The following SCAI variants were observed in gnomAD, a reference collection of about 807,000 sequenced individuals.
SCAI encodes suppressor of cancer cell invasion, also known as protein SCAI.
In SCAI, 24 loss-of-function variants were observed where a neutral mutation model predicts 92.2. The ratio of observed to expected loss-of-function variants is 0.26; its 90% confidence interval spans 0.19 to 0.37. The LOEUF is 0.37. Ranked by LOEUF, SCAI falls within the 10% of genes least tolerant of loss-of-function variation. SCAI has a pLI of 1.00. For synonymous variants in SCAI, 261 were observed against 258.6 expected (o/e 1.01, Z -0.09); for missense variants, 450 against 736.2 (o/e 0.61, Z 4.50).
At chr9:125,055,382 CT>C (rs1024085578) in intron 3 of SCAI, among the ~76,000 whole-genome samples, 6 of 152,084 alleles carry the variant, frequency 3.9e-5, no homozygotes, top group African/African-American at 1.4e-4. Flanking sequence ...CTCATCATTA[CT>C]TTTTCCACCC....
At chr9:124,987,264 C>A (rs546566333) in intron 14 of SCAI, among the ~76,000 whole-genome samples, 2 of 152,090 alleles carry the variant, frequency 1.3e-5, no homozygotes, top group East Asian at 3.9e-4. Flanking sequence ...CCTTGTGATC[C>A]GCCTGCCTCG....
intron 2 of SCAI, among the ~76,000 whole-genome samples, chr9:125,116,525 GAATTT>G (rs1835050385): frequency 6.6e-6 from 1 of 152,092 alleles, no homozygotes; most frequent in African/African-American, 2.4e-5. Flanking sequence ...AACAGTCACT[GAATTT>G]ATTTTAAGAT....
chr9:125,032,121 T>C (rs991802683), intron 3 of SCAI, among the ~76,000 whole-genome samples: 37 of 149,270 alleles, frequency 2.5e-4, no homozygotes, highest in Non-Finnish European at 1.5e-4. Context: ...AAAATGCCTA[T>C]AGAAATATTT....
intron 13 of SCAI, among the ~76,000 whole-genome samples, chr9:124,997,202 T>C (rs1832255376): frequency 6.6e-6 from 1 of 152,132 alleles, no homozygotes; most frequent in Admixed American, 6.6e-5. Flanking sequence ...ATGCCACAAG[T>C]AGAAAATTCC....
chr9:125,034,851 A>G (rs1833159267), intron 3 of SCAI, among the ~76,000 whole-genome samples: 1 of 152,206 alleles, frequency 6.6e-6, no homozygotes, highest in African/African-American at 2.4e-5. Flanking sequence ...ACTACAGAGA[A>G]GGAAAGATCA....
intron 3 of SCAI, among the ~76,000 whole-genome samples, chr9:125,046,321 ACAC>A (rs1345060457): frequency 2.2e-4 from 3 of 13,706 alleles, no homozygotes; most frequent in Non-Finnish European, 5.4e-4. Flanking sequence ...ATATATACAC[ACAC>A]ACACACACAT....
At chr9:125,047,355 C>T (rs976173765) in intron 3 of SCAI, among the ~76,000 whole-genome samples, 1 of 152,186 alleles carries the variant, frequency 6.6e-6, no homozygotes. Context: ...AACCTGCTGA[C>T]ACCTTGATCT....
intron 2 of SCAI, among the ~76,000 whole-genome samples, chr9:125,141,694 A>T (rs901705990): frequency 6.6e-6 from 1 of 152,262 alleles, no homozygotes; most frequent in African/African-American, 2.4e-5. Flanking sequence ...GCATTATGGT[A>T]TAACAGTTAA....
rs181854223 is a variant in SCAI at position 125,081,798 on chromosome 9, G to C, written c.99-25791C>G. ...CCATGTTGCCCAGGCTGATCTTAAA[G>C]GCTCAGGCAATCCGCCCACCCCGGC... On this transcript the variant is annotated intron_variant, in intron 2 of 17. Coordinates refer to ENST00000336505, the MANE Select transcript of SCAI (RefSeq NM_001144877.3). 1.6e-3 allele frequency among the ~76,000 whole-genome samples: 250 copies of C among 152,098 alleles called. 1 individual carries two copies. Among genetic ancestry groups the C allele is most frequent in the African/African-American group, 5.8e-3 (242 of 41,498 alleles).
intron 14 of SCAI, among the ~76,000 whole-genome samples, chr9:124,981,654 A>ATT (rs747802866): frequency 1.6e-4 from 24 of 145,660 alleles, no homozygotes; most frequent in African/African-American, 6.0e-4. Context: ...ATAGTATTAA[A>ATT]TTTTTTTTTT....
intron 17 of SCAI, among the ~76,000 whole-genome samples, chr9:124,955,337 G>A (rs973040801): frequency 6.6e-6 from 1 of 151,914 alleles, no homozygotes; most frequent in Non-Finnish European, 1.5e-5. Context: ...GATGGAGATG[G>A]GAGGATCTCT....
At position 125,002,025 on chromosome 9, in the gene SCAI, C is replaced by T. The variant is rs1832372006; in HGVS notation, c.1084G>A (p.Val362Met). Residue 362 changes from valine to methionine, a missense_variant, in exon 12 of 18, where the codon GTG (valine) becomes ATG (methionine). Physicochemically the swap from Val to Met is conservative, Grantham distance 21. Coordinates refer to ENST00000336505, the MANE Select transcript of SCAI (RefSeq NM_001144877.3). ...ASFKELPANS[V>M]LLIYLSATGV... ...GTGGCCGACAGGTAAATCAGAAGCA[C>T]GCTATTGGCAGGCAGCTCCTGAAAT... is the stretch of plus-strand genomic sequence containing the variant. The T allele has an allele frequency of 1.2e-6, 2 of 1,613,450 alleles. No individual in the cohort carries two copies. Among genetic ancestry groups the T allele is most frequent in the Non-Finnish European group, 1.7e-6 (2 of 1,179,408 alleles).
At chr9:125,100,935 T>C (rs1834664960) in intron 2 of SCAI, among the ~76,000 whole-genome samples, 1 of 152,128 alleles carries the variant, frequency 6.6e-6, no homozygotes, top group Admixed American at 6.5e-5. Context: ...AACTAAAAAC[T>C]GTGACTGAGC....
In SCAI at chr9:125,095,807, A is replaced by G. The variant is rs371803257; in HGVS notation, c.99-39800T>C. On this transcript the variant is annotated intron_variant, in intron 2 of 17. Coordinates refer to ENST00000336505, the MANE Select transcript of SCAI (RefSeq NM_001144877.3). ...TGATGAGAGAGCAACAAGAGAGAAG[A>G]AGCCTGGAAAAACAAAACAAAACAA... Among the ~76,000 whole-genome samples the G allele has an allele frequency of 9.2e-5, 14 of 152,336 alleles. No homozygotes were observed. The East Asian group carries it at 2.7e-3, about 29-fold the overall frequency.
At chr9:125,009,945 A>C (rs1832595780) in intron 9 of SCAI, among the ~76,000 whole-genome samples, 1 of 152,156 alleles carries the variant, frequency 6.6e-6, no homozygotes, top group Non-Finnish European at 1.5e-5. Context: ...CTGTAATCCC[A>C]GCACTTTGGG....
At chr9:124,966,080 T>C (rs568700547) in intron 17 of SCAI, among the ~76,000 whole-genome samples, 20 of 152,348 alleles carry the variant, frequency 1.3e-4, no homozygotes, top group Middle Eastern at 3.4e-3. Flanking sequence ...TATGCAGTTA[T>C]GATTTTTTAA....
At chr9:125,010,487 C>T (rs1316004090) in intron 9 of SCAI, among the ~76,000 whole-genome samples, 2 of 152,180 alleles carry the variant, frequency 1.3e-5, no homozygotes, top group African/African-American at 4.8e-5. Context: ...GGAGGGGTAC[C>T]CGCCATTGCC....
intron 5 of SCAI, among the ~76,000 whole-genome samples, chr9:125,028,022 C>T (rs949848736): frequency 1.3e-5 from 2 of 152,102 alleles, no homozygotes; most frequent in African/African-American, 4.8e-5. Flanking sequence ...TTAAAGTATC[C>T]TTCTGAAAAC....
At chr9:124,987,368 T>A (rs1564367684) in intron 14 of SCAI, among the ~76,000 whole-genome samples, 1 of 152,096 alleles carries the variant, frequency 6.6e-6, no homozygotes, top group Non-Finnish European at 1.5e-5. Context: ...AAATACTACA[T>A]TACCACAGAC....
Sources: gnomAD v4.1 joint callset for allele counts (sites outside exome capture counted in the v4.1 genomes callset) on GRCh38, gnomAD v4.1.1 for gene constraint, MANE v1.5 for transcripts, NCBI Gene and HGNC (gene_info 2026-07-23, HGNC 2026-07-21) for gene names.